The following STXBP5L variants were observed in gnomAD, a reference collection of about 807,000 sequenced individuals.
STXBP5L encodes syntaxin-binding protein 5-like.
A neutral mutation model predicts 144.5 loss-of-function variants in STXBP5L; 65 were observed. The observed-to-expected ratio is 0.45, with a 90% CI of 0.37 to 0.55. The LOEUF is 0.55. STXBP5L is among the 20% of genes least tolerant of loss of function. The pLI, the probability that STXBP5L is intolerant of heterozygous loss-of-function variation, is 0.00. For synonymous variants in STXBP5L, 505 were observed against 469.6 expected (o/e 1.08, Z -0.97); for missense variants, 1,298 against 1,405.5 (o/e 0.92, Z 1.22).
At position 120,926,336 on chromosome 3, in the gene STXBP5L, A is replaced by G. The variant is rs941551829; in HGVS notation, c.189+16569A>G. Among the ~76,000 whole-genome samples, 7 of 144,286 alleles carry G rather than the reference A, an allele frequency of 4.9e-5. No individual in the cohort carries two copies. The Admixed American group carries it at 4.9e-4, about 10-fold the overall frequency. 94.7% of individuals were successfully genotyped at this position (144,286 alleles called of 152,430 possible). ...GTTGAAGAACATGTTTGCTGGATAT[A>G]GTATTCTTGGATGGCAGTTCTTTTT... is the stretch of plus-strand genomic sequence containing the variant. On this transcript the variant is annotated intron_variant, in intron 2 of 26. Transcript: ENST00000471454.
At chr3:121,080,088 CT>C (rs546686196) in intron 5 of STXBP5L, among the ~76,000 whole-genome samples, 1 of 151,804 alleles carries the variant, frequency 6.6e-6, no homozygotes, top group African/African-American at 2.4e-5. Flanking sequence ...CCTTCTTTGT[CT>C]TTTTTTTAAC....
At chr3:121,160,107 T>G (rs1009349104) in intron 9 of STXBP5L, among the ~76,000 whole-genome samples, 53 of 152,330 alleles carry the variant, frequency 3.5e-4, no homozygotes, top group Non-Finnish European at 5.6e-4. Context: ...TTATGTATTT[T>G]AAAAAACAAA....
intron 3 of STXBP5L, among the ~76,000 whole-genome samples, chr3:120,972,826 C>T (rs1366056831): frequency 6.6e-6 from 1 of 152,038 alleles, no homozygotes; most frequent in East Asian, 1.9e-4. Flanking sequence ...TTGAGATTAT[C>T]AGGTAGTTTT....
intron 5 of STXBP5L, among the ~76,000 whole-genome samples, chr3:121,074,079 G>C (rs7615991): frequency 6.6e-6 from 1 of 151,958 alleles, no homozygotes; most frequent in African/African-American, 2.4e-5. Flanking sequence ...GGGTCACTTG[G>C]TGGCACAAAA....
chr3:121,339,815 GAAA>G (rs201461700), intron 20 of STXBP5L, among the ~76,000 whole-genome samples: 1 of 143,272 alleles, frequency 7.0e-6, no homozygotes, highest in Non-Finnish European at 1.5e-5. Flanking sequence ...TATAATAGCT[GAAA>G]AAAAAAAAAA....
chr3:120,908,407 C>T, intron 1 of STXBP5L, 73 bp downstream of exon 1: 1 of 156,374 alleles, frequency 6.4e-6, no homozygotes, highest in South Asian at 1.9e-4. Context: ...GCTGTGGCTC[C>T]CTCGCACCTG....
At chr3:121,094,543 T>G (rs559151331) in intron 5 of STXBP5L, among the ~76,000 whole-genome samples, 22 of 152,150 alleles carry the variant, frequency 1.4e-4, no homozygotes, top group African/African-American at 5.1e-4. Flanking sequence ...TCTTTGTCCC[T>G]TTTGATCTTT....
At chr3:121,323,951 T>C (rs1193229335) in intron 20 of STXBP5L, among the ~76,000 whole-genome samples, 2 of 152,170 alleles carry the variant, frequency 1.3e-5, no homozygotes, top group African/African-American at 2.4e-5. Flanking sequence ...ATGTTGTTTG[T>C]TTTTCTAATG....
At chr3:121,045,603 A>C in intron 5 of STXBP5L, 68 bp downstream of exon 5, 4 of 1,394,284 alleles carry the variant, frequency 2.9e-6, no homozygotes, top group African/African-American at 1.4e-5. Flanking sequence ...AGTTTTTGTT[A>C]ACTTGACAGG....
chr3:121,081,533 G>C (rs1401547891), intron 5 of STXBP5L, among the ~76,000 whole-genome samples: 1 of 152,090 alleles, frequency 6.6e-6, no homozygotes, highest in Non-Finnish European at 1.5e-5. Flanking sequence ...TTATATACTT[G>C]GTATATGGGC....
intron 3 of STXBP5L, among the ~76,000 whole-genome samples, chr3:120,985,469 A>G (rs1235423407): frequency 6.6e-6 from 1 of 152,104 alleles, no homozygotes; most frequent in Non-Finnish European, 1.5e-5. Flanking sequence ...TCAAGTATAC[A>G]GTATACTATT....
rs1448967827 is a variant in STXBP5L at position 121,423,045 on chromosome 3, A to G, written c.*3948A>G. 6.6e-6 allele frequency: 1 copy of G among 152,188 alleles called. No homozygotes were observed. The highest frequency in any genetic ancestry group is 6.5e-5 in the Admixed American group (1 of 15,278). 9.4% of individuals were successfully genotyped at this position (152,188 alleles called of 1,614,324 possible). A position where few individuals can be genotyped will look rare whatever the true frequency, so the allele number is the denominator to read the frequency against. ...AAAATCCTCTCCTTGGCTTAGGATC[A>G]TTGGGTCAAACTGGGAGTATATCTG... On this transcript the variant is annotated 3_prime_UTR_variant, in exon 27 of 27. Coordinates refer to ENST00000471454, the MANE Select transcript of STXBP5L (RefSeq NM_001308330.2).
chr3:121,042,315 G>A (rs992616049), intron 4 of STXBP5L, among the ~76,000 whole-genome samples: 2 of 152,064 alleles, frequency 1.3e-5, no homozygotes, highest in African/African-American at 4.8e-5. Flanking sequence ...ATAAAATTAT[G>A]GTGATGAGGA....
intron 19 of STXBP5L, among the ~76,000 whole-genome samples, chr3:121,304,694 T>G (rs2108499533): frequency 6.6e-6 from 1 of 152,128 alleles, no homozygotes; most frequent in East Asian, 1.9e-4. Flanking sequence ...TATCAAAATT[T>G]ATGAGATATT....
At chr3:121,109,713 T>C (rs1459282685) in intron 5 of STXBP5L, among the ~76,000 whole-genome samples, 1 of 151,860 alleles carries the variant, frequency 6.6e-6, no homozygotes, top group African/African-American at 2.4e-5. Context: ...GGATAGAGAG[T>C]TCTGTAGATA....
intron 18 of STXBP5L, among the ~76,000 whole-genome samples, chr3:121,272,758 T>C (rs1361234693): frequency 6.6e-6 from 1 of 152,132 alleles, no homozygotes; most frequent in East Asian, 1.9e-4. Flanking sequence ...GATTCTTTTC[T>C]CTTTATCTCA....
At chr3:121,324,631 C>A (rs1382057649) in intron 20 of STXBP5L, 1 of 644,424 alleles carries the variant, frequency 1.6e-6, no homozygotes, top group East Asian at 2.8e-5. Context: ...TTATTCATAT[C>A]TTCACAATTT....
intron 23 of STXBP5L, among the ~76,000 whole-genome samples, chr3:121,412,727 C>CAAAAAAAAAAAAAAAAAAAAA (rs35247157): frequency 1.4e-4 from 10 of 69,592 alleles, no homozygotes; most frequent in Admixed American, 3.5e-4. Flanking sequence ...TTTCTCCCTC[C>CAAAAAAAAAAAAAAAAAAAAA]AAAAAAAAAA....
intron 20 of STXBP5L, among the ~76,000 whole-genome samples, chr3:121,345,779 A>T (rs969197093): frequency 1.3e-5 from 2 of 152,008 alleles, no homozygotes; most frequent in Non-Finnish European, 2.9e-5. Context: ...GCATTTTCTC[A>T]TGTGTCTGTT....
Sources: allele counts gnomAD v4.1 joint callset (sites outside exome capture counted in the v4.1 genomes callset), GRCh38; gene constraint gnomAD v4.1.1; transcripts MANE v1.5; gene names NCBI Gene and HGNC (gene_info 2026-07-23, HGNC 2026-07-21).